The following CFAP299 variants were observed in gnomAD, a reference collection of about 807,000 sequenced individuals.
CFAP299 encodes cilia- and flagella-associated protein 299.
Under a neutral mutation model 27.0 loss-of-function variants are expected in CFAP299, and 21 were observed. That is an observed-to-expected ratio of 0.78 (90% CI 0.55 to 1.12). The LOEUF is 1.12. CFAP299 is among the 50% of genes most tolerant of loss of function. CFAP299 has a pLI of 0.00. For synonymous variants in CFAP299, 104 were observed against 98.1 expected (o/e 1.06, Z -0.36); for missense variants, 310 against 276.6 (o/e 1.12, Z -0.86).
chr4:80,766,010 G>GA (rs142979761), intron 3 of CFAP299, among the ~76,000 whole-genome samples: 8,199 of 151,906 alleles, frequency 0.054, 744 homozygotes, highest in African/African-American at 0.19. Flanking sequence ...GTCAATACTT[G>GA]AAAAAAATGA....
intron 3 of CFAP299, among the ~76,000 whole-genome samples, chr4:80,764,897 A>G (rs1305503188): frequency 6.6e-6 from 1 of 152,106 alleles, no homozygotes; most frequent in Non-Finnish European, 1.5e-5. Flanking sequence ...ACGAGAACAC[A>G]TGGACAAAGG....
intron 2 of CFAP299, among the ~76,000 whole-genome samples, chr4:80,419,866 C>T (rs1344341912): frequency 2.0e-5 from 3 of 152,092 alleles, no homozygotes; most frequent in Non-Finnish European, 2.9e-5. Context: ...TCTTAGGAGG[C>T]AAGAGAAAAC....
Position 80,800,786 on chromosome 4 carries a change from C to CAT in CFAP299, c.334-69196_334-69195dup, listed in dbSNP as rs557120927. On this transcript the variant is annotated intron_variant, in intron 3 of 5. Coordinates refer to ENST00000358105, the MANE Select transcript of CFAP299 (RefSeq NM_152770.3). ...GTGTGTGTATATATATATATGTATA[C>CAT]ATATATATATATGAGTTTAGTAAGT... Among the ~76,000 whole-genome samples the CAT allele has an allele frequency of 9.8e-4, 124 of 126,876 alleles. 1 individual carries two copies. Among genetic ancestry groups the CAT allele is most frequent in the Non-Finnish European group, 6.6e-4 (41 of 62,362 alleles). The allele number at this position is 126,876 out of a possible 152,430, so 83.2% of individuals were successfully genotyped here.
intron 2 of CFAP299, among the ~76,000 whole-genome samples, chr4:80,540,680 T>C (rs1733957434): frequency 1.3e-5 from 2 of 152,180 alleles, no homozygotes; most frequent in African/African-American, 4.8e-5. Context: ...GGATAGCAAG[T>C]TAAAAAACCT....
At chr4:80,901,249 T>A (rs1734877896) in intron 4 of CFAP299, among the ~76,000 whole-genome samples, 2 of 152,198 alleles carry the variant, frequency 1.3e-5, no homozygotes, top group Non-Finnish European at 2.9e-5. Context: ...AGCATATGAC[T>A]AGAACACGCA....
chr4:80,509,410 G>A (rs1299513497), intron 2 of CFAP299, among the ~76,000 whole-genome samples: 1 of 152,106 alleles, frequency 6.6e-6, no homozygotes, highest in African/African-American at 2.4e-5. Context: ...TAAATGATGT[G>A]GGCCCAAAGT....
intron 4 of CFAP299, among the ~76,000 whole-genome samples, chr4:80,924,514 A>ATGTGTGTGTGTGTG (rs35374483): frequency 2.1e-4 from 29 of 137,510 alleles, no homozygotes; most frequent in African/African-American, 7.9e-4. Flanking sequence ...ACAATTCATT[A>ATGTGTGTGTGTGTG]TGTGTGTGTG....
intron 3 of CFAP299, among the ~76,000 whole-genome samples, chr4:80,868,052 T>G (rs958927474): frequency 6.6e-6 from 1 of 152,204 alleles, no homozygotes; most frequent in Non-Finnish European, 1.5e-5. Flanking sequence ...CTAAAATTGA[T>G]CAATACATCT....
chr4:80,350,924 A>G (rs1722984176), intron 1 of CFAP299, among the ~76,000 whole-genome samples: 1 of 152,190 alleles, frequency 6.6e-6, no homozygotes, highest in South Asian at 2.1e-4. Flanking sequence ...CTTTCTGCAC[A>G]TGTATCCCAG....
At chr4:80,936,605 G>C (rs1347940265) in intron 4 of CFAP299, among the ~76,000 whole-genome samples, 4 of 152,016 alleles carry the variant, frequency 2.6e-5, no homozygotes, top group African/African-American at 4.8e-5. Context: ...ATGGCAAAAA[G>C]AGGGGAACAA....
chr4:80,450,639 A>G (rs2110096190), intron 2 of CFAP299, among the ~76,000 whole-genome samples: 1 of 152,190 alleles, frequency 6.6e-6, no homozygotes, highest in Admixed American at 6.5e-5. Flanking sequence ...AATTCTTTTT[A>G]AACTCTGGAA....
At chr4:80,512,845 ATC>A (rs1176962093) in intron 2 of CFAP299, among the ~76,000 whole-genome samples, 3 of 152,074 alleles carry the variant, frequency 2.0e-5, no homozygotes, top group Non-Finnish European at 4.4e-5. Flanking sequence ...TTTTTATAGT[ATC>A]TCTCTTTCTC....
intron 3 of CFAP299, among the ~76,000 whole-genome samples, chr4:80,828,384 C>T (rs1364494791): frequency 7.2e-5 from 11 of 152,008 alleles, no homozygotes; most frequent in Admixed American, 2.6e-4. Flanking sequence ...AATAAACCTT[C>T]GCCTATGTGG....
intron 2 of CFAP299, among the ~76,000 whole-genome samples, chr4:80,447,365 GA>G (rs983466569): frequency 6.6e-6 from 1 of 151,322 alleles, no homozygotes; most frequent in African/African-American, 2.4e-5. Flanking sequence ...TCGATCTCCT[GA>G]CCTCGTGATC....
intron 2 of CFAP299, among the ~76,000 whole-genome samples, chr4:80,580,204 A>C (rs1411468613): frequency 1.3e-5 from 2 of 152,126 alleles, no homozygotes; most frequent in Non-Finnish European, 2.9e-5. Flanking sequence ...GCTACCTTTC[A>C]TTCTTGTGTC....
chr4:80,789,200 T>C (rs1446140849), intron 3 of CFAP299, among the ~76,000 whole-genome samples: 1 of 147,754 alleles, frequency 6.8e-6, no homozygotes, highest in Non-Finnish European at 1.5e-5. Flanking sequence ...AGCTCTGTTC[T>C]GACCTGTGTT....
chr4:80,838,132 G>A (rs955970018), intron 3 of CFAP299, among the ~76,000 whole-genome samples: 2 of 151,992 alleles, frequency 1.3e-5, no homozygotes, highest in African/African-American at 4.8e-5. Flanking sequence ...TTGTAAATTT[G>A]TTTAAGTTCC....
At chr4:80,900,688 A>G (rs945879212) in intron 4 of CFAP299, among the ~76,000 whole-genome samples, 1 of 152,064 alleles carries the variant, frequency 6.6e-6, no homozygotes. Context: ...GATAATTCAA[A>G]TTTATATGGC....
intron 3 of CFAP299, among the ~76,000 whole-genome samples, chr4:80,588,516 A>G (rs1468871457): frequency 6.6e-6 from 1 of 151,008 alleles, no homozygotes; most frequent in East Asian, 1.9e-4. Flanking sequence ...AGTGTTACAT[A>G]CCTGACATGA....
Sources: allele counts gnomAD v4.1 joint callset (sites outside exome capture counted in the v4.1 genomes callset), GRCh38; gene constraint gnomAD v4.1.1; transcripts MANE v1.5; gene names NCBI Gene and HGNC (gene_info 2026-07-23, HGNC 2026-07-21).